CHRNA1: variants seen among roughly 807,000 people sequenced by gnomAD.
CHRNA1 encodes the protein cholinergic receptor nicotinic alpha 1 subunit.
Under a neutral mutation model 47.1 loss-of-function variants are expected in CHRNA1, and 35 were observed. That is an observed-to-expected ratio of 0.74 (90% CI 0.57 to 0.99). CHRNA1 has a LOEUF of 0.99. Ranked by LOEUF, CHRNA1 falls within the 50% of genes least tolerant of loss-of-function variation. The probability of loss-of-function intolerance (pLI) is 0.00; values close to 1 mark genes in which losing one functional copy is unlikely to be tolerated. For missense variants in CHRNA1, 506 were observed against 591.1 expected (o/e 0.86, Z 1.49); for synonymous variants, 229 against 223.6 (o/e 1.02, Z -0.22).
Position 174,759,316 on chromosome 2 carries a change from A to G in CHRNA1, c.234+15T>C, listed in dbSNP as rs751991957. On this transcript the variant is annotated intron_variant, in intron 3 of 8. Coordinates refer to ENST00000348749, the MANE Select transcript of CHRNA1 (RefSeq NM_000079.4). ...GAATGAAAACGACACACATGCAATT[A>G]TCTGGCTAAGTTACCTGTTTCAGAC... 1.2e-6 allele frequency: 2 copies of G among 1,614,018 alleles called. No individual in the cohort carries two copies. The highest frequency in any genetic ancestry group is 4.5e-5 in the East Asian group (2 of 44,884).
At position 174,755,341 on chromosome 2, in the gene CHRNA1, C is replaced by G. The variant is rs182120645; in HGVS notation, c.345-927G>C. Among the ~76,000 whole-genome samples, 446 of 152,230 alleles carry G rather than the reference C, an allele frequency of 2.9e-3. 4 individuals carry two copies. Among genetic ancestry groups the G allele is most frequent in the African/African-American group, 0.01 (428 of 41,534 alleles). ...CAGGAAGGTGCCACCTTGCAGTGTC[C>G]CCTGAGGCGCCCATGTGGGAATGAA... is the stretch of plus-strand genomic sequence containing the variant. On this transcript the variant is annotated intron_variant, in intron 4 of 8. Coordinates refer to ENST00000348749, the MANE Select transcript of CHRNA1 (RefSeq NM_000079.4).
At chr2:174,755,805 G>T (rs1328526369) in intron 4 of CHRNA1, among the ~76,000 whole-genome samples, 2 of 152,160 alleles carry the variant, frequency 1.3e-5, no homozygotes, top group Non-Finnish European at 2.9e-5. Context: ...GAAGACTAAG[G>T]CAGGAAGATC....
At chr2:174,758,108 T>C in intron 3 of CHRNA1, 1 of 1,597,162 alleles carries the variant, frequency 6.3e-7, no homozygotes, top group Non-Finnish European at 8.6e-7. Context: ...CATATATTTT[T>C]CTACATTATA....
chr2:174,759,569 G>C lies in CHRNA1; in HGVS notation c.108C>G (p.Ser36Arg), dbSNP rs1186677915. Reference sequence around the variant, plus strand: ...GGTCTTCCACTGGCCGCACCACGCTGCTGTAGTCTTTAAATAGCTTTGCCA... The same window carrying C: ...GGTCTTCCACTGGCCGCACCACGCTCCTGTAGTCTTTAAATAGCTTTGCCA... The part of the protein sequence containing the change: ...RLVAKLFKDY[S>R]SVVRPVEDHR... Residue 36 changes from serine (S) to arginine (R), a missense_variant, in exon 2 of 9, where the codon AGC becomes AGG. Transcript: ENST00000348749. 1.9e-6 allele frequency: 3 copies of C among 1,613,904 alleles called. No homozygotes were observed. The African/African-American group carries it at 4.0e-5, about 22-fold the overall frequency.
chr2:174,763,940 C>T (rs1015284643), intron 1 of CHRNA1, among the ~76,000 whole-genome samples: 3 of 152,060 alleles, frequency 2.0e-5, no homozygotes, highest in African/African-American at 7.2e-5. Flanking sequence ...AGTAAAGGGA[C>T]TTGTTAACTC....
At chr2:174,753,807 T>C in intron 5 of CHRNA1, 67 bp from the exon 6 acceptor site, 1 of 1,463,082 alleles carries the variant, frequency 6.8e-7, no homozygotes. Flanking sequence ...CGTTTTGTAA[T>C]CAGCAGTGAC....
At chr2:174,749,650 C>T (rs1185231399) in intron 7 of CHRNA1, among the ~76,000 whole-genome samples, 2 of 152,150 alleles carry the variant, frequency 1.3e-5, no homozygotes, top group Admixed American at 6.6e-5. Context: ...GAGAATTTCA[C>T]GGCATTTCAA....
Position 174,748,580 on chromosome 2 carries a change from A to G in CHRNA1, c.1242T>C (p.Asn414=), listed in dbSNP as rs199545638. The change falls in exon 8 of 9, where the codon AAT becomes AAC. Residue 414 remains asparagine (N), a splice_region_variant and synonymous_variant. Coordinates refer to ENST00000348749, the MANE Select transcript of CHRNA1 (RefSeq NM_000079.4). The stretch of plus-strand genomic sequence containing the variant: ...ATGAATTTCAAGCCACGAAGCTTAC[A>G]TTGTTAGACTCCTGGTCTGACTTCA... The part of the protein sequence containing the change: ...ETMKSDQESN[N]AAAEWKYVAM... The G allele has an allele frequency of 6.2e-7, 1 of 1,610,286 alleles. No individual in the cohort carries two copies. The highest frequency in any genetic ancestry group is 1.1e-5 in the South Asian group (1 of 90,986).
At chr2:174,756,220 T>C (rs1335977852) in intron 4 of CHRNA1, among the ~76,000 whole-genome samples, 1 of 152,164 alleles carries the variant, frequency 6.6e-6, no homozygotes, top group African/African-American at 2.4e-5. Context: ...CCTTATTCAG[T>C]GGACTACTTA....
rs1273765439 is a variant in CHRNA1, at chr2:174,757,549, C to A, written c.344+17G>T. 2 of 1,594,302 alleles carry A rather than the reference C, an allele frequency of 1.3e-6. No homozygotes were observed. The highest frequency in any genetic ancestry group is 1.7e-6 in the Non-Finnish European group (2 of 1,161,984). On this transcript the variant is annotated intron_variant, in intron 4 of 8. Transcript: ENST00000348749. ...CTGCCCCAGGAGCACCCTCCGCCAC[C>A]CATGCAGTTTGCTCACTTGTTATAG...
chr2:174,748,483 T>C, intron 8 of CHRNA1, 97 bp downstream of exon 8: 1 of 1,504,204 alleles, frequency 6.6e-7, no homozygotes, highest in Non-Finnish European at 9.0e-7. Flanking sequence ...TAGCTGCCTG[T>C]TGTATGCCAC....
chr2:174,763,829 G>C (rs202121556), intron 1 of CHRNA1, among the ~76,000 whole-genome samples: 4 of 118,894 alleles, frequency 3.4e-5, no homozygotes, highest in Admixed American at 1.8e-4. Flanking sequence ...AAAAATATTT[G>C]TCTCTGTGGA....
chr2:174,752,049 A>C (rs1214910411), intron 6 of CHRNA1, among the ~76,000 whole-genome samples: 6 of 151,982 alleles, frequency 3.9e-5, no homozygotes, highest in African/African-American at 1.4e-4. Context: ...TAATGCCCCG[A>C]CAGTGTTTTT....
At chr2:174,753,801 T>C in intron 5 of CHRNA1, 61 bp from the exon 6 acceptor site, 1 of 1,510,978 alleles carries the variant, frequency 6.6e-7, no homozygotes, top group Non-Finnish European at 9.1e-7. Context: ...GGGCAGCGTT[T>C]TGTAATCAGC....
intron 4 of CHRNA1, among the ~76,000 whole-genome samples, chr2:174,754,768 A>C (rs929185265): frequency 6.6e-6 from 1 of 151,858 alleles, no homozygotes; most frequent in African/African-American, 2.4e-5. Flanking sequence ...GTTAATCTTC[A>C]TCTATCACCT....
rs1194725062 is a variant in CHRNA1, at chr2:174,754,331, A to C, written c.428T>G (p.Ile143Ser). ...TGHITWTPPA[I>S]FKSYCEIIVT... ...GATGATCTCACAGTAGCTTTTAAAG[A>C]TGGCTGGAGGTGTCCACGTGATGTG... is the stretch of plus-strand genomic sequence containing the variant. The change falls in exon 5 of 9, where the codon ATC (isoleucine) becomes AGC (serine). Residue 143 changes from isoleucine (I) to serine (S), a missense_variant. By Grantham distance (142) the Ile-to-Ser change is moderately radical. Coordinates refer to ENST00000348749, the MANE Select transcript of CHRNA1 (RefSeq NM_000079.4). 6.2e-7 allele frequency: 1 copy of C among 1,614,198 alleles called. No individual in the cohort carries two copies. The highest frequency in any genetic ancestry group is 8.5e-7 in the Non-Finnish European group (1 of 1,180,030).
At chr2:174,764,015 C>G (rs1267308530) in intron 1 of CHRNA1, among the ~76,000 whole-genome samples, 3 of 152,134 alleles carry the variant, frequency 2.0e-5, no homozygotes, top group Non-Finnish European at 4.4e-5. Flanking sequence ...AACCCCCGGA[C>G]ACTACCATGA....
chr2:174,760,915 C>T (rs571133901), intron 1 of CHRNA1, among the ~76,000 whole-genome samples: 5 of 152,198 alleles, frequency 3.3e-5, no homozygotes, highest in East Asian at 1.9e-4. Flanking sequence ...TCAGAACCCA[C>T]GGCCCCCTTT....
chr2:174,756,022 C>A (rs1445331952), intron 4 of CHRNA1, among the ~76,000 whole-genome samples: 5 of 114,552 alleles, frequency 4.4e-5, no homozygotes, highest in African/African-American at 6.4e-5. Flanking sequence ...AGCAATGGAG[C>A]AGAGACCTTG....
Sources: gnomAD v4.1 joint callset for allele counts (sites outside exome capture counted in the v4.1 genomes callset) on GRCh38, gnomAD v4.1.1 for gene constraint, MANE v1.5 for transcripts, NCBI Gene and HGNC (gene_info 2026-07-23, HGNC 2026-07-21) for gene names.